Variants in ANAPC2 observed in about 807,000 individuals in gnomAD.
The protein encoded by ANAPC2 is anaphase-promoting complex subunit 2.
Under a neutral mutation model 84.3 loss-of-function variants are expected in ANAPC2, and 29 were observed. The ratio of observed to expected loss-of-function variants is 0.34; its 90% CI spans 0.26 to 0.47. The LOEUF is 0.47. Among genes scored for constraint, ANAPC2 ranks in the 20% least tolerant of loss-of-function variants. The probability of loss-of-function intolerance (pLI) is 1.00; values close to 1 mark genes in which losing one functional copy is unlikely to be tolerated. For synonymous variants in ANAPC2, 571 were observed against 479.4 expected, an observed-to-expected ratio of 1.19 and a Z score of -2.50; for missense variants, 857 against 1,131.7, an observed-to-expected ratio of 0.76 and a Z score of 3.48.
At chr9:137,179,353 G>A (rs1427221981) in intron 10 of ANAPC2, among the ~76,000 whole-genome samples, 1 of 151,940 alleles carries the variant, frequency 6.6e-6, no homozygotes, top group Non-Finnish European at 1.5e-5. Context: ...TCCTCCCCGA[G>A]CCGACACCTC....
intron 4 of ANAPC2, 41 bp from the exon 5 acceptor site, chr9:137,183,832 C>T (rs780304803): frequency 7.5e-6 from 12 of 1,604,820 alleles, no homozygotes; most frequent in South Asian, 2.2e-5. Context: ...GACATGGATG[C>T]GTGCGCACGT....
intron 10 of ANAPC2, 70 bp from the exon 11 acceptor site, chr9:137,175,907 G>A: frequency 6.7e-7 from 1 of 1,500,274 alleles, no homozygotes; most frequent in South Asian, 1.3e-5. Context: ...TCTGCCACCT[G>A]GTACCAGTGA....
Position 137,183,379 on chromosome 9 carries a change from C to A in ANAPC2, c.1169-137G>T, listed in dbSNP as rs182552473. The A allele has an allele frequency of 3.4e-3, 2,827 of 824,576 alleles. 11 individuals are homozygous for A. Among genetic ancestry groups the A allele is most frequent in the Non-Finnish European group, 4.1e-3 (2,070 of 499,784 alleles). 51.1% of individuals were successfully genotyped at this position (824,576 alleles called of 1,614,324 possible). ...CTGCAGCCTCGTTCCCTTGTCCCCC[C>A]ATCCCCACCTCTACCTGTTCACAGG... On this transcript the variant is annotated intron_variant, in intron 5 of 12. Coordinates refer to ENST00000323927, the MANE Select transcript of ANAPC2 (RefSeq NM_013366.4).
rs1471240974 is a variant in ANAPC2, at chr9:137,183,686, C to T, written c.1154G>A (p.Arg385Gln). The T allele has an allele frequency of 6.2e-7, 1 of 1,611,462 alleles. No homozygotes were observed. Among genetic ancestry groups the T allele is most frequent in the Non-Finnish European group, 8.5e-7 (1 of 1,179,168 alleles). ...GCACACAGCACCTGGATGCAGGAGCCGAGTCTCCAGGGCAGCCTTGAGGGA... is the reference window on the plus strand; with the variant it reads ...GCACACAGCACCTGGATGCAGGAGCTGAGTCTCCAGGGCAGCCTTGAGGGA... ...LVSLKAALETRLLHPGVNTCD... is the reference protein window; with the variant it reads ...LVSLKAALETQLLHPGVNTCD... Residue 385 changes from arginine to glutamine, a missense_variant, in exon 5 of 13, where the codon CGG becomes CAG. Coordinates refer to ENST00000323927, the MANE Select transcript of ANAPC2 (RefSeq NM_013366.4).
intron 5 of ANAPC2, 191 bp from the exon 6 acceptor site, chr9:137,183,433 G>A (rs1198016784): frequency 2.7e-6 from 2 of 748,918 alleles, no homozygotes; most frequent in East Asian, 2.7e-5. Flanking sequence ...TCTGTTCTGA[G>A]AGAACTAAGT....
At chr9:137,181,637 G>T (rs781142743) in intron 7 of ANAPC2, 44 bp downstream of exon 7, 1 of 1,524,732 alleles carries the variant, frequency 6.6e-7, no homozygotes. Context: ...CCTGGCTGAA[G>T]CGCCCCCCAC....
At chr9:137,179,216 T>C (rs547743388) in intron 10 of ANAPC2, among the ~76,000 whole-genome samples, 4 of 152,182 alleles carry the variant, frequency 2.6e-5, no homozygotes, top group African/African-American at 9.6e-5. Context: ...TCTCCTCACA[T>C]GTCCCCCGCT....
At position 137,187,923 on chromosome 9, in the gene ANAPC2, T is replaced by C. The variant is rs775096137; in HGVS notation, c.298A>G (p.Asn100Asp). ...AGGCACTGGGGCTCATCCGCAGAGTTCTCGCATTGGGAGATGGCATTCCAG... is the reference window on the plus strand; with the variant it reads ...AGGCACTGGGGCTCATCCGCAGAGTCCTCGCATTGGGAGATGGCATTCCAG... The part of the protein sequence containing the change: ...EFWNAISQCE[N>D]SADEPQCLLL... The change falls in exon 2 of 13, where the codon AAC becomes GAC. Residue 100 changes from asparagine to aspartate, a missense_variant. Transcript: ENST00000323927. 3.1e-6 allele frequency: 5 copies of C among 1,613,826 alleles called. No individual in the cohort carries two copies. The Admixed American group carries it at 6.7e-5, about 22-fold the overall frequency.
intron 3 of ANAPC2, among the ~76,000 whole-genome samples, chr9:137,185,903 G>A (rs1327608447): frequency 2.0e-5 from 3 of 152,212 alleles, no homozygotes; most frequent in Admixed American, 6.5e-5. Context: ...AACAGGAGAA[G>A]GGGATCCATT....
At position 137,180,343 on chromosome 9, in the gene ANAPC2, C is replaced by T. The variant is rs1834316535; in HGVS notation, c.1728G>A (p.Glu576=). The change falls in exon 10 of 13, where the codon GAG becomes GAA. Residue 576 remains glutamate (E), a synonymous_variant. Transcript: ENST00000323927. ...CCTCTGCTGGCCGCTTCTCATCCTC[C>T]TCCCGGATGTTGGCATTGATGCGGC... ...DSRRINANIR[E]EDEKRPAEEQ... 1 of 1,613,192 alleles carries T rather than the reference C, an allele frequency of 6.2e-7. No homozygotes were observed. Among genetic ancestry groups the T allele is most frequent in the Non-Finnish European group, 8.5e-7 (1 of 1,179,948 alleles).
intron 4 of ANAPC2, among the ~76,000 whole-genome samples, chr9:137,184,035 C>T (rs940106601): frequency 6.6e-6 from 1 of 152,232 alleles, no homozygotes; most frequent in Non-Finnish European, 1.5e-5. Flanking sequence ...AAGGCCAAGG[C>T]AGCACAGCAG....
At chr9:137,182,380 C>T (rs1044026511) in intron 6 of ANAPC2, among the ~76,000 whole-genome samples, 10 of 152,018 alleles carry the variant, frequency 6.6e-5, no homozygotes, top group African/African-American at 9.7e-5. Flanking sequence ...GGCTTGGTGG[C>T]GGCCTGTAGT....
chr9:137,183,623 G>A, intron 5 of ANAPC2, 49 bp downstream of exon 5: 4 of 1,581,842 alleles, frequency 2.5e-6, no homozygotes, highest in African/African-American at 1.3e-5. Flanking sequence ...TGGGTCCCCT[G>A]GTGAGTGTCT....
At chr9:137,180,654 C>G in intron 8 of ANAPC2, 127 bp from the exon 9 acceptor site, 1 of 1,562,660 alleles carries the variant, frequency 6.4e-7, no homozygotes, top group South Asian at 1.2e-5. Flanking sequence ...ATGGCTAGCA[C>G]ACCCCCAGCC....
intron 10 of ANAPC2, 140 bp from the exon 11 acceptor site, chr9:137,175,977 A>G: frequency 1.8e-6 from 2 of 1,109,076 alleles, no homozygotes; most frequent in South Asian, 3.2e-5. Flanking sequence ...GAGCAGCGAG[A>G]GCACAGGACT....
At chr9:137,184,428 C>T (rs1450579312) in intron 4 of ANAPC2, among the ~76,000 whole-genome samples, 1 of 143,006 alleles carries the variant, frequency 7.0e-6, no homozygotes, top group Non-Finnish European at 1.5e-5. Context: ...CAGACGCAGA[C>T]ACAGAGCAGA....
chr9:137,187,545 T>C lies in ANAPC2; in HGVS notation c.676A>G (p.Ser226Gly). The change falls in exon 2 of 13, where the codon AGT becomes GGT. Residue 226 changes from serine (S) to glycine (G), a missense_variant. Transcript: ENST00000323927. Reference protein sequence around the residue: ...LQSPLCAGCSSDKQQCWCRQA... With the variant: ...LQSPLCAGCSGDKQQCWCRQA... ...CGACACCAGCACTGTTGCTTGTCACTGCTGCACCCTGCACACAGCGGGCTC... is the reference window on the plus strand; with the variant it reads ...CGACACCAGCACTGTTGCTTGTCACCGCTGCACCCTGCACACAGCGGGCTC... 6.2e-7 allele frequency: 1 copy of C among 1,613,876 alleles called. No individual in the cohort carries two copies. The highest frequency in any genetic ancestry group is 8.5e-7 in the Non-Finnish European group (1 of 1,180,020).
At chr9:137,175,941 G>A in intron 10 of ANAPC2, 104 bp from the exon 11 acceptor site, 1 of 1,404,144 alleles carries the variant, frequency 7.1e-7, no homozygotes. Flanking sequence ...AGAGCCACCT[G>A]CCCCACCCCA....
At chr9:137,180,699 CCCAGG>C in intron 8 of ANAPC2, 84 bp downstream of exon 8, 1 of 1,573,470 alleles carries the variant, frequency 6.4e-7, no homozygotes, top group Non-Finnish European at 8.6e-7. Context: ...CCAACCAGGC[CCCAGG>C]CACGGCGTCA....
Sources: gnomAD v4.1 joint callset for allele counts (sites outside exome capture counted in the v4.1 genomes callset) on GRCh38, gnomAD v4.1.1 for gene constraint, MANE v1.5 for transcripts, NCBI Gene and HGNC (gene_info 2026-07-23, HGNC 2026-07-21) for gene names.